The following CLCN4 variants were observed in gnomAD, a reference collection of about 807,000 sequenced individuals.
CLCN4 encodes Cl-/H+ antiporter 4.
In CLCN4, 1 loss-of-function variant was observed where a neutral mutation model predicts 41.7. The ratio of observed to expected loss-of-function variants is 0.02; its 90% CI spans 0.01 to 0.11. The LOEUF (loss-of-function observed/expected upper bound fraction) is 0.11, where lower values mean the gene tolerates loss of function less well. Among genes scored for constraint, CLCN4 ranks in the 10% least tolerant of loss-of-function variants. The pLI, the probability that CLCN4 is intolerant of heterozygous loss-of-function variation, is 1.00. For synonymous variants in CLCN4, 277 were observed against 285.8 expected, an observed-to-expected ratio of 0.97 and a Z score of 0.31; for missense variants, 287 against 661.0, an observed-to-expected ratio of 0.43 and a Z score of 6.20.
intron 2 of CLCN4, among the ~76,000 whole-genome samples, chrX:10,175,561 A>T (rs990518976): frequency 5.4e-5 from 6 of 111,656 alleles, no homozygotes; most frequent in East Asian, 2.8e-4. Flanking sequence ...GAAAATCTGT[A>T]AGAAATGAAG....
chrX:10,226,534 TAAGC>T (rs1260071979), intron 12 of CLCN4, among the ~76,000 whole-genome samples: 1 of 110,478 alleles, frequency 9.1e-6, no homozygotes, highest in Non-Finnish European at 1.9e-5. Context: ...AGACAAGAAA[TAAGC>T]AAGATCAGAG....
At chrX:10,228,069 A>G (rs1228669407) in intron 12 of CLCN4, among the ~76,000 whole-genome samples, 2 of 111,275 alleles carry the variant, frequency 1.8e-5, no homozygotes, top group African/African-American at 6.6e-5. Flanking sequence ...CACCTCAAGC[A>G]TTTATCCTTC....
chrX:10,197,104 C>A (rs1179881617), intron 5 of CLCN4, among the ~76,000 whole-genome samples: 1 of 111,812 alleles, frequency 8.9e-6, no homozygotes, highest in Non-Finnish European at 1.9e-5. Flanking sequence ...TTAAGTAATC[C>A]AGATGGTGGC....
chrX:10,210,956 C>CT (rs779318421), intron 9 of CLCN4, among the ~76,000 whole-genome samples: 9,800 of 86,536 alleles, frequency 0.11, 658 homozygotes, highest in African/African-American at 0.22. Flanking sequence ...CCTGAATTGT[C>CT]TTTTTTTTTT....
At chrX:10,211,722 G>A (rs1468611780) in intron 9 of CLCN4, among the ~76,000 whole-genome samples, 5 of 111,941 alleles carry the variant, frequency 4.5e-5, no homozygotes, top group Non-Finnish European at 9.4e-5. Context: ...AACACAGGGA[G>A]TCAGGCTTGT....
Position 10,178,715 on chromosome X carries a change from T to C in CLCN4, c.-11-6307T>C, listed in dbSNP as rs771897199. Among the ~76,000 whole-genome samples, 3 of 111,690 alleles carry C rather than the reference T, an allele frequency of 2.7e-5. No homozygotes were observed. In the East Asian group the frequency reaches 8.4e-4, roughly 31 times the overall value. On this transcript the variant is annotated intron_variant, in intron 2 of 12. Transcript: ENST00000380833. ...CTGATTGGAGAGGAATGGGAATCTA[T>C]GTAGTAGCCACTGGGGCCCATTCCC...
intron 6 of CLCN4, among the ~76,000 whole-genome samples, chrX:10,205,607 CTTTTTTT>C (rs923729645): frequency 5.5e-5 from 5 of 90,655 alleles, no homozygotes; most frequent in East Asian, 3.2e-4. Context: ...TGGCATATTC[CTTTTTTT>C]TTTTTTTTTT....
chrX:10,230,752 A>T (rs1182005280), intron 12 of CLCN4, among the ~76,000 whole-genome samples: 1 of 112,279 alleles, frequency 8.9e-6, no homozygotes, highest in African/African-American at 3.2e-5. Context: ...CAGAGTTCTC[A>T]TATATCCCCT....
At chrX:10,225,441 GGTT>G (rs1340997413) in intron 12 of CLCN4, among the ~76,000 whole-genome samples, 1 of 111,716 alleles carries the variant, frequency 9.0e-6, no homozygotes, top group Non-Finnish European at 1.9e-5. Flanking sequence ...TTTTTGATGG[GGTT>G]GTTTTTTTCT....
chrX:10,232,405 C>A (rs767151926), intron 12 of CLCN4, among the ~76,000 whole-genome samples: 4 of 112,318 alleles, frequency 3.6e-5, no homozygotes, highest in Admixed American at 2.8e-4. Context: ...TTTCTGATTT[C>A]TTTTGTATAT....
At chrX:10,165,726 C>G (rs1386336926) in intron 2 of CLCN4, among the ~76,000 whole-genome samples, 2 of 112,272 alleles carry the variant, frequency 1.8e-5, no homozygotes, top group African/African-American at 3.2e-5. Context: ...TCCACTCTAA[C>G]CCCTGGAGGT....
At position 10,161,532 on chromosome X, in the gene CLCN4, C is replaced by T. The variant is rs148004675; in HGVS notation, c.-12+2981C>T. Among the ~76,000 whole-genome samples the T allele has an allele frequency of 7.4e-3, 828 of 112,182 alleles. 11 individuals are homozygous for T. Among genetic ancestry groups the T allele is most frequent in the African/African-American group, 0.025 (786 of 30,870 alleles). On this transcript the variant is annotated intron_variant, in intron 2 of 12. Transcript: ENST00000380833. ...ATCACTTGTGGCCCTCGATTGGATTCGGCCCAAACAAACGTGTAACAGGCA... is the reference window on the plus strand; with the variant it reads ...ATCACTTGTGGCCCTCGATTGGATTTGGCCCAAACAAACGTGTAACAGGCA...
chrX:10,165,805 G>T (rs988114850), intron 2 of CLCN4, among the ~76,000 whole-genome samples: 1 of 112,009 alleles, frequency 8.9e-6, no homozygotes, highest in Non-Finnish European at 1.9e-5. Flanking sequence ...GCTTAGTCAC[G>T]CATCACACCA....
At position 10,213,912 on chromosome X, in the gene CLCN4, G is replaced by C. The variant is rs201895993; in HGVS notation, c.1808G>C (p.Arg603Pro). 8.3e-7 allele frequency: 1 copy of C among 1,209,927 alleles called. No homozygotes were observed. Reference sequence around the variant, plus strand: ...CTGGCCACCGACGTCATGCGGCCCCGGCGGGGAGAGCCGCCACTGTCGGTG... The same window carrying C: ...CTGGCCACCGACGTCATGCGGCCCCCGCGGGGAGAGCCGCCACTGTCGGTG... Reference protein sequence around the residue: ...RTLATDVMRPRRGEPPLSVLT... With the variant: ...RTLATDVMRPPRGEPPLSVLT... The change falls in exon 11 of 13, where the codon CGG (arginine) becomes CCG (proline). Residue 603 changes from arginine (R) to proline (P), a missense_variant. Physicochemically the swap from Arg to Pro is moderately radical, Grantham distance 103. Coordinates refer to ENST00000380833, the MANE Select transcript of CLCN4 (RefSeq NM_001830.4).
At position 10,208,326 on chromosome X, in the gene CLCN4, G is replaced by A. The variant is rs754893069; in HGVS notation, c.1125G>A (p.Val375=). ...LGKYPVLEVI[V]VTAITAIIAY... ...AGTACCCGGTGCTGGAGGTCATTGT[G>A]GTGACTGCCATCACTGCCATCATTG... Residue 375 remains valine (V), a synonymous_variant, in exon 9 of 13, where the codon GTG becomes GTA. Transcript: ENST00000380833. The A allele has an allele frequency of 3.3e-6, 4 of 1,211,247 alleles. No individual in the cohort carries two copies. Among genetic ancestry groups the A allele is most frequent in the Admixed American group, 2.2e-5 (1 of 45,962 alleles).
At chrX:10,159,134 T>A (rs946156730) in intron 2 of CLCN4, among the ~76,000 whole-genome samples, 9 of 68,564 alleles carry the variant, frequency 1.3e-4, no homozygotes, top group African/African-American at 2.1e-4. Flanking sequence ...AGAAACGTAT[T>A]TTTTTTTTCC....
At chrX:10,188,010 G>A (rs1029798951) in intron 4 of CLCN4, among the ~76,000 whole-genome samples, 2 of 112,091 alleles carry the variant, frequency 1.8e-5, no homozygotes, top group Admixed American at 9.4e-5. Context: ...TCCACCTCCC[G>A]GGGTTGAACA....
rs1296267369 is a variant in CLCN4, at chrX:10,158,413, C to T, written c.-150C>T. 1 of 296,527 alleles carries T rather than the reference C, an allele frequency of 3.4e-6. No homozygotes were observed. The highest frequency in any genetic ancestry group is 4.8e-5 in the East Asian group (1 of 20,987). The allele number at this position is 296,527 out of a possible 1,213,427, so 24.4% of individuals were successfully genotyped here. A position where few individuals can be genotyped will look rare whatever the true frequency, so the allele number is the denominator to read the frequency against. The stretch of plus-strand genomic sequence containing the variant: ...CCCCCACCCCGCGCACACCTCCCTG[C>T]CTCGCCCCGAGGGCGTCACGTGGCA... On this transcript the variant is annotated 5_prime_UTR_variant, in exon 2 of 13. Transcript: ENST00000380833.
intron 2 of CLCN4, among the ~76,000 whole-genome samples, chrX:10,175,897 T>C (rs1923510310): frequency 9.7e-6 from 1 of 103,298 alleles, no homozygotes; most frequent in Non-Finnish European, 2.0e-5. Context: ...TCTTTCTCTC[T>C]CTCTCTCCCT....
Sources: gnomAD v4.1 joint callset for allele counts (sites outside exome capture counted in the v4.1 genomes callset) on GRCh38, gnomAD v4.1.1 for gene constraint, MANE v1.5 for transcripts, NCBI Gene and HGNC (gene_info 2026-07-23, HGNC 2026-07-21) for gene names.